Variants in TBC1D5 observed in about 807,000 individuals in gnomAD.
The protein encoded by TBC1D5 is TBC1 domain family member 5.
TBC1D5 carries 75 observed loss-of-function variants against 100.3 expected under a neutral mutation model. The observed-to-expected ratio is 0.75, with a 90% CI of 0.62 to 0.91. The LOEUF (loss-of-function observed/expected upper bound fraction) is 0.91. Among genes scored for constraint, TBC1D5 ranks in the 40% least tolerant of loss-of-function variants. The pLI is 0.00. For missense variants in TBC1D5, 910 were observed against 942.4 expected (o/e 0.97, Z 0.45); for synonymous variants, 323 against 325.6 (o/e 0.99, Z 0.09).
chr3:17,226,029 A>C (rs1033145031), intron 17 of TBC1D5, among the ~76,000 whole-genome samples: 2 of 151,848 alleles, frequency 1.3e-5, no homozygotes, highest in Non-Finnish European at 2.9e-5. Context: ...CCAATCCCCC[A>C]CAGATACTGA....
intron 2 of TBC1D5, among the ~76,000 whole-genome samples, chr3:17,574,084 C>G (rs548506853): frequency 4.3e-4 from 65 of 152,074 alleles, no homozygotes; most frequent in Non-Finnish European, 8.4e-4. Context: ...TCGCTCTCAC[C>G]TCTGTCTTTA....
intron 12 of TBC1D5, among the ~76,000 whole-genome samples, chr3:17,373,002 G>A (rs2092543395): frequency 6.6e-6 from 1 of 152,114 alleles, no homozygotes; most frequent in African/African-American, 2.4e-5. Context: ...TGATCATGCA[G>A]CCACAGACAA....
intron 14 of TBC1D5, among the ~76,000 whole-genome samples, chr3:17,298,394 A>G (rs1488060887): frequency 1.3e-5 from 2 of 152,260 alleles, no homozygotes; most frequent in African/African-American, 4.8e-5. Context: ...TGGAAGAGAA[A>G]CATAAAATTA....
At chr3:17,626,756 A>T (rs2063095856) in intron 1 of TBC1D5, among the ~76,000 whole-genome samples, 1 of 152,176 alleles carries the variant, frequency 6.6e-6, no homozygotes, top group Non-Finnish European at 1.5e-5. Flanking sequence ...GACACAAAAC[A>T]CTGAGAAATG....
At chr3:17,370,194 A>T (rs1189468412) in intron 13 of TBC1D5, among the ~76,000 whole-genome samples, 1 of 152,218 alleles carries the variant, frequency 6.6e-6, no homozygotes, top group Non-Finnish European at 1.5e-5. Flanking sequence ...AGCCCACGCC[A>T]TCACCACTGC....
chr3:17,357,592 CA>C (rs200650922), intron 13 of TBC1D5, among the ~76,000 whole-genome samples: 2 of 150,842 alleles, frequency 1.3e-5, no homozygotes, highest in African/African-American at 2.4e-5. Context: ...GACATCACTA[CA>C]AAAAAAAATC....
chr3:17,446,520 A>T (rs1392322755), intron 3 of TBC1D5, among the ~76,000 whole-genome samples: 5 of 152,198 alleles, frequency 3.3e-5, no homozygotes, highest in African/African-American at 7.2e-5. Context: ...AATTTTGGAC[A>T]AGCTGAGTCA....
At chr3:17,457,347 TG>T (rs2095110979) in intron 3 of TBC1D5, among the ~76,000 whole-genome samples, 1 of 152,164 alleles carries the variant, frequency 6.6e-6, no homozygotes, top group South Asian at 2.1e-4. Context: ...TCATGGTTCT[TG>T]GGTGTTCTGT....
chr3:17,251,960 T>C lies in TBC1D5; in HGVS notation c.1331+6546A>G, dbSNP rs562446267. On this transcript the variant is annotated intron_variant, in intron 16 of 21. Coordinates refer to ENST00000253692, the Ensembl canonical transcript of TBC1D5. ...AATCTGTGACTACTGAAATGCTCAA[T>C]TGAATAGTCACAGAACAGAACTTCA... is the stretch of plus-strand genomic sequence containing the variant. 3.9e-5 allele frequency among the ~76,000 whole-genome samples: 6 copies of C among 152,320 alleles called. No individual in the cohort carries two copies. In the South Asian group the frequency reaches 1.0e-3, roughly 26 times the overall value.
intron 2 of TBC1D5, among the ~76,000 whole-genome samples, chr3:17,515,414 C>G (rs1473928530): frequency 6.6e-6 from 1 of 152,158 alleles, no homozygotes; most frequent in Non-Finnish European, 1.5e-5. Context: ...ACAACAGCAG[C>G]AAACACATAG....
intron 1 of TBC1D5, among the ~76,000 whole-genome samples, chr3:17,644,688 A>G (rs2064848517): frequency 1.3e-5 from 2 of 152,158 alleles, no homozygotes; most frequent in African/African-American, 4.8e-5. Context: ...GTGGAAATAT[A>G]TTCCTAAACT....
At chr3:17,611,077 T>A (rs2061640585) in intron 2 of TBC1D5, among the ~76,000 whole-genome samples, 1 of 152,058 alleles carries the variant, frequency 6.6e-6, no homozygotes, top group Non-Finnish European at 1.5e-5. Flanking sequence ...CAGAACTTGA[T>A]AATGAAGTGA....
chr3:17,709,362 A>G (rs1560526389), intron 1 of TBC1D5, among the ~76,000 whole-genome samples: 1 of 152,178 alleles, frequency 6.6e-6, no homozygotes, highest in Non-Finnish European at 1.5e-5. Context: ...CTAAAAATGG[A>G]GTCAGATTGA....
chr3:17,165,396 C>T lies in TBC1D5; in HGVS notation c.2094+1371G>A, dbSNP rs1237833781. ...TAGAAATGCATTGTGGTTGGGCCTA[C>T]GCTCAGTAATATTTGAATAAATAAA... On this transcript the variant is annotated intron_variant, in intron 21 of 21. Coordinates refer to ENST00000253692, the Ensembl canonical transcript of TBC1D5. Among the ~76,000 whole-genome samples the T allele has an allele frequency of 7.2e-5, 11 of 152,234 alleles. 1 individual carries two copies. The highest frequency in any genetic ancestry group is 2.1e-4 in the South Asian group (1 of 4,816).
intron 2 of TBC1D5, among the ~76,000 whole-genome samples, chr3:17,561,572 T>C (rs1576714828): frequency 6.6e-6 from 1 of 152,076 alleles, no homozygotes; most frequent in Non-Finnish European, 1.5e-5. Context: ...AAACATAAAG[T>C]ATTGTTAGTA....
chr3:17,485,180 AAAGT>A (rs1018161427), intron 3 of TBC1D5, among the ~76,000 whole-genome samples: 5 of 152,144 alleles, frequency 3.3e-5, no homozygotes, highest in African/African-American at 1.2e-4. Context: ...TTATTTTTTT[AAAGT>A]AATTGTGAAG....
At chr3:17,395,549 T>C (rs893508151) in intron 8 of TBC1D5, among the ~76,000 whole-genome samples, 8 of 152,292 alleles carry the variant, frequency 5.3e-5, no homozygotes, top group Non-Finnish European at 8.8e-5. Context: ...AATATTATTT[T>C]ACTACTCACC....
At chr3:17,641,075 G>A (rs1170276835) in intron 1 of TBC1D5, among the ~76,000 whole-genome samples, 2 of 151,772 alleles carry the variant, frequency 1.3e-5, no homozygotes, top group African/African-American at 2.4e-5. Flanking sequence ...TGAAATTATC[G>A]TACGTAATAT....
At chr3:17,487,347 T>A (rs1363742630) in intron 3 of TBC1D5, among the ~76,000 whole-genome samples, 1 of 152,176 alleles carries the variant, frequency 6.6e-6, no homozygotes, top group Non-Finnish European at 1.5e-5. Flanking sequence ...AAAATAACAC[T>A]AACAGTTTAT....
Sources: gnomAD v4.1 joint callset for allele counts (sites outside exome capture counted in the v4.1 genomes callset) on GRCh38, gnomAD v4.1.1 for gene constraint, MANE v1.5 for transcripts, NCBI Gene and HGNC (gene_info 2026-07-23, HGNC 2026-07-21) for gene names.